CPNE4: variants seen among roughly 807,000 people sequenced by gnomAD.
The protein encoded by CPNE4 is copine-4.
CPNE4 carries 25 observed loss-of-function variants against 67.9 expected under a neutral mutation model. The observed-to-expected ratio is 0.37, with a 90% CI of 0.27 to 0.51. The LOEUF (loss-of-function observed/expected upper bound fraction) is 0.51, where lower values mean the gene tolerates loss of function less well. CPNE4 is among the 20% of genes least tolerant of loss of function. CPNE4 has a pLI of 0.93. For missense variants in CPNE4, 464 were observed against 690.8 expected (o/e 0.67, Z 3.68); for synonymous variants, 242 against 244.9 (o/e 0.99, Z 0.11).
At chr3:131,641,176 T>G (rs1241530986) in intron 7 of CPNE4, among the ~76,000 whole-genome samples, 2 of 152,080 alleles carry the variant, frequency 1.3e-5, no homozygotes, top group African/African-American at 4.8e-5. Context: ...TGGGACTTAA[T>G]TAAACCAAAA....
At chr3:131,857,730 C>A (rs1412466923) in intron 2 of CPNE4, among the ~76,000 whole-genome samples, 1 of 151,978 alleles carries the variant, frequency 6.6e-6, no homozygotes, top group Non-Finnish European at 1.5e-5. Flanking sequence ...CAGAGGGAAA[C>A]CCTGTTACGG....
intron 2 of CPNE4, among the ~76,000 whole-genome samples, chr3:131,850,563 G>T (rs1186337975): frequency 6.6e-6 from 1 of 152,090 alleles, no homozygotes; most frequent in African/African-American, 2.4e-5. Context: ...TCTTATGCAA[G>T]GAGCTATTAC....
intron 2 of CPNE4, among the ~76,000 whole-genome samples, chr3:131,852,544 C>T (rs1583327202): frequency 6.6e-6 from 1 of 151,820 alleles, no homozygotes; most frequent in South Asian, 2.1e-4. Context: ...CTATGACAAA[C>T]CTGGAGCTGA....
intron 2 of CPNE4, among the ~76,000 whole-genome samples, chr3:131,841,914 G>T (rs552756437): frequency 6.6e-6 from 1 of 152,310 alleles, no homozygotes; most frequent in African/African-American, 2.4e-5. Context: ...TAAAAGTTCT[G>T]CCTGAGTTAG....
At chr3:131,691,871 C>T (rs749275990) in intron 5 of CPNE4, among the ~76,000 whole-genome samples, 43 of 152,054 alleles carry the variant, frequency 2.8e-4, no homozygotes, top group South Asian at 2.1e-4. Flanking sequence ...CTCAAGTGTA[C>T]GCTCAGAAAT....
chr3:131,831,462 CACTT>C (rs1361664492), intron 2 of CPNE4, among the ~76,000 whole-genome samples: 3 of 152,082 alleles, frequency 2.0e-5, no homozygotes, highest in Admixed American at 2.0e-4. Flanking sequence ...AAATCAGTAT[CACTT>C]AGCACAAATA....
chr3:131,662,133 A>T (rs1207826904), intron 7 of CPNE4, among the ~76,000 whole-genome samples: 1 of 152,190 alleles, frequency 6.6e-6, no homozygotes, highest in Non-Finnish European at 1.5e-5. Context: ...AAAAGATTAG[A>T]GGCAAAATAA....
At chr3:132,029,717 A>C (rs1038883374) in intron 1 of CPNE4, among the ~76,000 whole-genome samples, 4 of 152,256 alleles carry the variant, frequency 2.6e-5, no homozygotes, top group African/African-American at 7.2e-5. Context: ...TCCAAGGAGA[A>C]ATTTCTCTAG....
At chr3:131,891,449 G>T (rs1327884522) in intron 2 of CPNE4, among the ~76,000 whole-genome samples, 1 of 151,760 alleles carries the variant, frequency 6.6e-6, no homozygotes, top group African/African-American at 2.4e-5. Flanking sequence ...GAGTTCAGGG[G>T]TACACATGCA....
At chr3:131,583,729 C>T (rs1203676092) in intron 8 of CPNE4, among the ~76,000 whole-genome samples, 1 of 152,046 alleles carries the variant, frequency 6.6e-6, no homozygotes, top group Non-Finnish European at 1.5e-5. Flanking sequence ...CCTGATGGAC[C>T]AGATCTAAAT....
intron 7 of CPNE4, among the ~76,000 whole-genome samples, chr3:131,609,207 T>C (rs1269142525): frequency 6.6e-6 from 1 of 152,168 alleles, no homozygotes; most frequent in African/African-American, 2.4e-5. Context: ...TCTATTTAAC[T>C]TACAATTTTA....
At chr3:131,949,245 TA>T (rs1225002368) in intron 1 of CPNE4, among the ~76,000 whole-genome samples, 1 of 152,166 alleles carries the variant, frequency 6.6e-6, no homozygotes, top group African/African-American at 2.4e-5. Context: ...TTGAAAATTA[TA>T]AATCAAGATA....
chr3:131,908,602 C>T (rs1292855589), intron 1 of CPNE4, among the ~76,000 whole-genome samples: 2 of 152,002 alleles, frequency 1.3e-5, no homozygotes, highest in African/African-American at 2.4e-5. Flanking sequence ...CTTATAGGCT[C>T]ATGCCAAGTC....
intron 3 of CPNE4, 56 bp downstream of exon 3, chr3:131,723,390 G>A (rs748504181): frequency 2.1e-6 from 3 of 1,451,328 alleles, no homozygotes; most frequent in East Asian, 4.6e-5. Context: ...GGGAAAGGGG[G>A]CAGGAAGAAA....
At chr3:131,796,894 T>C (rs920969001) in intron 2 of CPNE4, among the ~76,000 whole-genome samples, 2 of 152,234 alleles carry the variant, frequency 1.3e-5, no homozygotes, top group African/African-American at 4.8e-5. Context: ...TCTAATGACG[T>C]TGGCAAGTTT....
chr3:132,035,039 G>A (rs1018402486), upstream of CPNE4: 18 of 985,346 alleles, frequency 1.8e-5, no homozygotes, highest in African/African-American at 2.8e-4. Flanking sequence ...CAGCAACCCG[G>A]CAAGAGACTG....
chr3:131,774,485 A>C (rs2083247742), intron 2 of CPNE4, among the ~76,000 whole-genome samples: 1 of 152,140 alleles, frequency 6.6e-6, no homozygotes, highest in Non-Finnish European at 1.5e-5. Flanking sequence ...AGTATGAAAG[A>C]ACCTGGGTTC....
chr3:131,841,823 T>C (rs2085794146), intron 2 of CPNE4, among the ~76,000 whole-genome samples: 1 of 152,182 alleles, frequency 6.6e-6, no homozygotes, highest in Non-Finnish European at 1.5e-5. Context: ...ATCACCTCAG[T>C]TGCAAAGTAA....
At position 131,535,174 on chromosome 3, in the gene CPNE4, CTG is replaced by C; in HGVS notation, c.*19_*20del. 6.3e-7 allele frequency: 1 copy of C among 1,591,232 alleles called. No individual in the cohort carries two copies. ...TTAGCAGGAATAGTATTTCAGAACT[CTG>C]TAAAACTGTGTGGGGAGTTCATGGT... On this transcript the variant is annotated 3_prime_UTR_variant, in exon 16 of 16. Transcript: ENST00000429747.
Sources: gnomAD v4.1 joint callset for allele counts (sites outside exome capture counted in the v4.1 genomes callset) on GRCh38, gnomAD v4.1.1 for gene constraint, MANE v1.5 for transcripts, NCBI Gene and HGNC (gene_info 2026-07-23, HGNC 2026-07-21) for gene names.